Variants in SLC4A5 observed in about 807,000 individuals in gnomAD.
SLC4A5 encodes solute carrier family 4 member 5, also known as electrogenic sodium bicarbonate cotransporter 4.
A neutral mutation model predicts 120.4 loss-of-function variants in SLC4A5; 96 were observed. The ratio of observed to expected loss-of-function variants is 0.80; its 90% confidence interval spans 0.68 to 0.94. SLC4A5 has a LOEUF of 0.94. Among genes scored for constraint, SLC4A5 ranks in the 40% least tolerant of loss-of-function variants. The pLI is 0.00. For missense variants in SLC4A5, 1,259 were observed against 1,459.5 expected (o/e 0.86, Z 2.24); for synonymous variants, 550 against 571.1 (o/e 0.96, Z 0.53).
chr2:74,298,083 T>C (rs1672383275), intron 7 of SLC4A5, among the ~76,000 whole-genome samples: 1 of 152,246 alleles, frequency 6.6e-6, no homozygotes, highest in Admixed American at 6.5e-5. Flanking sequence ...TGAATCTTAG[T>C]TTCACAATCT....
chr2:74,276,519 G>C (rs1332418830), intron 8 of SLC4A5, among the ~76,000 whole-genome samples: 1 of 152,108 alleles, frequency 6.6e-6, no homozygotes, highest in Non-Finnish European at 1.5e-5. Flanking sequence ...GATGGGGTGT[G>C]GTCTCTCTCT....
chr2:74,309,812 C>T (rs549058389), intron 6 of SLC4A5, among the ~76,000 whole-genome samples: 12 of 151,978 alleles, frequency 7.9e-5, no homozygotes, highest in African/African-American at 2.4e-4. Flanking sequence ...CCCACCACCA[C>T]GCCCGGCTAA....
chr2:74,313,610 T>C (rs1672875032), intron 6 of SLC4A5, among the ~76,000 whole-genome samples: 1 of 152,236 alleles, frequency 6.6e-6, no homozygotes, highest in Admixed American at 6.5e-5. Context: ...TTATGAAGTA[T>C]GGCCTCACTT....
At position 74,306,753 on chromosome 2, in the gene SLC4A5, T is replaced by C. The variant is rs1042851406; in HGVS notation, c.80-2073A>G. ...ATGTCTCAGAACTTTGGTGTCATTA[T>C]TCTCAGACACCACTTTGCCATCCAC... On this transcript the variant is annotated intron_variant, in intron 6 of 30. Coordinates refer to ENST00000394019, the Ensembl canonical transcript of SLC4A5. The C allele has an allele frequency of 5.9e-4, 658 of 1,124,294 alleles. 5 individuals carry two copies. The highest frequency in any genetic ancestry group is 1.0e-4 in the Non-Finnish European group (80 of 792,994). The allele number at this position is 1,124,294 out of a possible 1,614,324, so 69.6% of individuals were successfully genotyped here.
chr2:74,216,569 C>T (rs1694450985), exon 31 of SLC4A5: 1 of 152,122 alleles, frequency 6.6e-6, no homozygotes, highest in Non-Finnish European at 1.5e-5. Flanking sequence ...TTGTTAGCTT[C>T]CCCAGGATTG....
At chr2:74,236,900 T>C (rs1670286244) in intron 21 of SLC4A5, among the ~76,000 whole-genome samples, 2 of 152,230 alleles carry the variant, frequency 1.3e-5, no homozygotes, top group South Asian at 2.1e-4. Context: ...CCTTCATCTG[T>C]CTACCAATCT....
At chr2:74,311,924 T>C (rs762161974) in intron 6 of SLC4A5, among the ~76,000 whole-genome samples, 7 of 152,372 alleles carry the variant, frequency 4.6e-5, no homozygotes, top group South Asian at 2.1e-4. Context: ...CTATAATCAC[T>C]GATTTGTCTG....
At chr2:74,242,259 C>A (rs11679275) in intron 19 of SLC4A5, among the ~76,000 whole-genome samples, 1 of 152,230 alleles carries the variant, frequency 6.6e-6, no homozygotes, top group Non-Finnish European at 1.5e-5. Flanking sequence ...GACAGACCAG[C>A]TGGGCCAGGA....
At chr2:74,225,375 C>T (rs1448047207) in intron 27 of SLC4A5, among the ~76,000 whole-genome samples, 1 of 152,134 alleles carries the variant, frequency 6.6e-6, no homozygotes, top group African/African-American at 2.4e-5. Context: ...GTGGGCAGAT[C>T]GCCTGAGGTC....
At chr2:74,298,406 T>A (rs1308719341) in intron 7 of SLC4A5, among the ~76,000 whole-genome samples, 2 of 152,196 alleles carry the variant, frequency 1.3e-5, no homozygotes, top group Non-Finnish European at 2.9e-5. Context: ...CTTATGCCAC[T>A]GACAAAAAAT....
At chr2:74,229,462 G>A (rs1405732983) in intron 25 of SLC4A5, among the ~76,000 whole-genome samples, 11 of 151,916 alleles carry the variant, frequency 7.2e-5, no homozygotes, top group Admixed American at 7.2e-4. Flanking sequence ...CACCATGTTG[G>A]CCAGGCTGGT....
intron 8 of SLC4A5, among the ~76,000 whole-genome samples, chr2:74,277,306 T>G (rs1427214543): frequency 6.6e-6 from 1 of 152,192 alleles, no homozygotes; most frequent in East Asian, 1.9e-4. Context: ...TCCCAGCACT[T>G]TGGGAGGCTG....
rs79074556 is a variant in SLC4A5 at position 74,301,560 on chromosome 2, T to C, written c.271+2929A>G. ...AGGACACTCAGAGAGGAAAAACATA[T>C]GTGGTCAGGTGTCCTACAGCAAAGA... On this transcript the variant is annotated intron_variant, in intron 7 of 30. Transcript: ENST00000394019. Among the ~76,000 whole-genome samples the C allele has an allele frequency of 2.3e-3, 354 of 152,356 alleles. 4 individuals carry two copies. The highest frequency in any genetic ancestry group is 8.1e-3 in the African/African-American group (338 of 41,584).
At chr2:74,316,076 G>C (rs1005593557) in intron 5 of SLC4A5, among the ~76,000 whole-genome samples, 1 of 151,716 alleles carries the variant, frequency 6.6e-6, no homozygotes, top group Non-Finnish European at 1.5e-5. Context: ...CAGACACAGA[G>C]AGCTTAAATG....
chr2:74,260,600 C>A (rs1470907301), intron 11 of SLC4A5, among the ~76,000 whole-genome samples: 1 of 152,162 alleles, frequency 6.6e-6, no homozygotes, highest in Non-Finnish European at 1.5e-5. Flanking sequence ...CCCTCCCTCC[C>A]ATCCACCAGC....
intron 7 of SLC4A5, chr2:74,290,524 G>C: frequency 4.1e-6 from 4 of 985,110 alleles, no homozygotes; most frequent in Non-Finnish European, 4.8e-6. Context: ...GTAAGTGTAA[G>C]TGTGAGAAAG....
At chr2:74,320,817 G>GA (rs1673077427) in intron 5 of SLC4A5, among the ~76,000 whole-genome samples, 1 of 151,950 alleles carries the variant, frequency 6.6e-6, no homozygotes, top group South Asian at 2.1e-4. Context: ...ATGTCTTCAG[G>GA]AAAAAAACCT....
rs780292260 is a variant in SLC4A5, at chr2:74,296,384, CT to C, written c.271+8104del. Among the ~76,000 whole-genome samples the C allele has an allele frequency of 8.4e-4, 127 of 152,090 alleles. 1 individual carries two copies. Among genetic ancestry groups the C allele is most frequent in the Non-Finnish European group, 1.3e-3 (87 of 67,992 alleles). On this transcript the variant is annotated intron_variant, in intron 7 of 30. Transcript: ENST00000394019. ...CCTTTTCTCTTTTCTCACTTCTCCC[CT>C]CTTCACCACTTCCTTCAAGATCCAA...
Position 74,227,261 on chromosome 2 carries a change from C to T in SLC4A5, c.2917-131G>A, listed in dbSNP as rs1365646265. On this transcript the variant is annotated intron_variant, in intron 26 of 30. Coordinates refer to ENST00000394019, the Ensembl canonical transcript of SLC4A5. ...CCCCTGCTCAGGCCTTAAGGATGCA[C>T]GGGAGGGGGGCTGGAGGTGTCTAGG... 2.3e-5 allele frequency: 25 copies of T among 1,095,676 alleles called. 1 individual carries two copies. In the East Asian group the frequency reaches 2.9e-4, roughly 13 times the overall value. The allele number at this position is 1,095,676 out of a possible 1,614,324, so 67.9% of individuals were successfully genotyped here.
Sources: gnomAD v4.1 joint callset for allele counts (sites outside exome capture counted in the v4.1 genomes callset) on GRCh38, gnomAD v4.1.1 for gene constraint, MANE v1.5 for transcripts, NCBI Gene and HGNC (gene_info 2026-07-23, HGNC 2026-07-21) for gene names.